The following TTLL12 variants were observed in gnomAD, a reference collection of about 807,000 sequenced individuals.
TTLL12 encodes the protein tubulin tyrosine ligase like 12, also known as tubulin--tyrosine ligase-like protein 12.
TTLL12 carries 77 observed loss-of-function variants against 79.6 expected under a neutral mutation model. The ratio of observed to expected loss-of-function variants is 0.97; its 90% CI spans 0.81 to 1.17. TTLL12 has a LOEUF of 1.17. TTLL12 is among the 50% of genes most tolerant of loss of function. The pLI is 0.00. For missense variants in TTLL12, 969 were observed against 895.9 expected (o/e 1.08, Z -1.04); for synonymous variants, 437 against 376.1 (o/e 1.16, Z -1.87).
In TTLL12 at chr22:43,167,254, G is replaced by C; in HGVS notation, c.*754C>G. 1 of 518,124 alleles carries C rather than the reference G, an allele frequency of 1.9e-6. No individual in the cohort carries two copies. Among genetic ancestry groups the C allele is most frequent in the Non-Finnish European group, 3.9e-6 (1 of 253,546 alleles). The allele number at this position is 518,124 out of a possible 1,614,324, so 32.1% of individuals were successfully genotyped here. ...TCTCACACAAGGGCGGGACCCCGTG[G>C]AGTGCCCGGCGAGCAGGGCAACCAC... is the stretch of plus-strand genomic sequence containing the variant. On this transcript the variant is annotated 3_prime_UTR_variant, in exon 14 of 14. Coordinates refer to ENST00000216129, the MANE Select transcript of TTLL12 (RefSeq NM_015140.4).
chr22:43,169,477 A>G (rs1474735569), intron 12 of TTLL12, 23 bp downstream of exon 12: 2 of 1,559,148 alleles, frequency 1.3e-6, no homozygotes, highest in Non-Finnish European at 1.7e-6. Context: ...CCGGCCTGCG[A>G]TGGTGTGCAG....
Position 43,168,006 on chromosome 22 carries a change from G to A in TTLL12, c.*2C>T, listed in dbSNP as rs1931661595. On this transcript the variant is annotated 3_prime_UTR_variant, in exon 14 of 14. Transcript: ENST00000216129. ...AGCACAGGTTTTGGGGACAGCGAGTGCCTAGACAAGGCAGGTAACGTGGCA... is the reference window on the plus strand; with the variant it reads ...AGCACAGGTTTTGGGGACAGCGAGTACCTAGACAAGGCAGGTAACGTGGCA... 1 of 1,613,444 alleles carries A rather than the reference G, an allele frequency of 6.2e-7. No individual in the cohort carries two copies. The highest frequency in any genetic ancestry group is 1.3e-5 in the African/African-American group (1 of 74,932).
At chr22:43,172,702 T>A in intron 9 of TTLL12, 148 bp from the exon 10 acceptor site, 2 of 178,522 alleles carry the variant, frequency 1.1e-5, no homozygotes, top group Non-Finnish European at 2.0e-5. Flanking sequence ...CTGCAAAGTC[T>A]TTTTTTTTTT....
chr22:43,174,279 G>T lies in TTLL12; in HGVS notation c.1159C>A (p.Leu387Met). 6.2e-7 allele frequency: 1 copy of T among 1,610,934 alleles called. No individual in the cohort carries two copies. The change falls in exon 8 of 14, where the codon CTG (leucine) becomes ATG (methionine). Residue 387 changes from leucine (L) to methionine (M), a missense_variant. Physicochemically the swap from Leu to Met is conservative, Grantham distance 15. Coordinates refer to ENST00000216129, the MANE Select transcript of TTLL12 (RefSeq NM_015140.4). ...GTGCGCAGGTTGAAGGTTCGGGGCA[G>T]CCAGGGTGGGCCCTCGGGGCCACCT... ...RAGGPEGPPW[L>M]PRTFNLRTEL...
chr22:43,181,246 T>G (rs940605935), intron 2 of TTLL12, among the ~76,000 whole-genome samples: 1 of 152,196 alleles, frequency 6.6e-6, no homozygotes, highest in Non-Finnish European at 1.5e-5. Context: ...ACCAGATATG[T>G]GGTACACCTA....
intron 1 of TTLL12, 75 bp from the exon 2 acceptor site, chr22:43,183,224 C>A: frequency 1.9e-6 from 3 of 1,570,134 alleles, no homozygotes; most frequent in Non-Finnish European, 1.7e-6. Context: ...CTCCAGAAAG[C>A]CACCCGAGGT....
chr22:43,179,256 G>T (rs746593102), intron 5 of TTLL12, among the ~76,000 whole-genome samples: 9 of 152,172 alleles, frequency 5.9e-5, no homozygotes, highest in African/African-American at 9.7e-5. Context: ...AGGGAGGCAC[G>T]CGATGTGTGA....
intron 9 of TTLL12, among the ~76,000 whole-genome samples, chr22:43,173,061 A>G (rs1167135996): frequency 6.6e-6 from 1 of 151,608 alleles, no homozygotes; most frequent in Non-Finnish European, 1.5e-5. Flanking sequence ...AATTCCATCC[A>G]CCCCCATCCC....
chr22:43,175,144 GA>G lies in TTLL12; in HGVS notation c.918-530del, dbSNP rs755519044. On this transcript the variant is annotated intron_variant, in intron 6 of 13. Coordinates refer to ENST00000216129, the MANE Select transcript of TTLL12 (RefSeq NM_015140.4). ...GCCCTCAGGCCCGGTGGAGGGGGCA[GA>G]GTGGAGCAGCCTGCCTGTTCTTGGC... The G allele has an allele frequency of 1.9e-3, 293 of 152,696 alleles. 1 individual carries two copies. Among genetic ancestry groups the G allele is most frequent in the Non-Finnish European group, 3.6e-3 (248 of 68,296 alleles). 9.5% of individuals were successfully genotyped at this position (152,696 alleles called of 1,614,324 possible). A position where few individuals can be genotyped will look rare whatever the true frequency, so the allele number is the denominator to read the frequency against.
At chr22:43,180,044 C>G (rs776487811) in intron 3 of TTLL12, 44 bp from the exon 4 acceptor site, 1 of 1,525,346 alleles carries the variant, frequency 6.6e-7, no homozygotes, top group Non-Finnish European at 8.8e-7. Context: ...ACCCATCCAC[C>G]CACCGGAACT....
intron 1 of TTLL12, among the ~76,000 whole-genome samples, chr22:43,184,643 T>C (rs1223030175): frequency 6.6e-6 from 1 of 152,172 alleles, no homozygotes; most frequent in Non-Finnish European, 1.5e-5. Flanking sequence ...TCAAGGTGGG[T>C]CTGGGGAGGC....
At position 43,179,935 on chromosome 22, in the gene TTLL12, C is replaced by T. The variant is rs6003099; in HGVS notation, c.612G>A (p.Ala204=). The change falls in exon 4 of 14, where the codon GCG becomes GCA. Residue 204 remains alanine (A), a synonymous_variant. Transcript: ENST00000216129. The part of the protein sequence containing the change: ...MDEFGSRIQH[A]DVPSFATAPF... The stretch of plus-strand genomic sequence containing the variant: ...GTGCCGTGGCGAAGCTGGGCACGTC[C>T]GCGTGCTGGATCCGCGAACCGAACT... The T allele has an allele frequency of 9.2e-4, 1,485 of 1,610,968 alleles. 11 individuals carry two copies. In the African/African-American group the frequency reaches 0.015, roughly 16 times the overall value.
At chr22:43,182,868 G>A in intron 2 of TTLL12, 112 bp downstream of exon 2, 1 of 1,416,144 alleles carries the variant, frequency 7.1e-7, no homozygotes, top group Non-Finnish European at 9.5e-7. Flanking sequence ...CCACAAAGCT[G>A]TCCTAAGGAA....
chr22:43,167,352 C>T lies in TTLL12; in HGVS notation c.*656G>A, dbSNP rs543831058. 1.1e-3 allele frequency: 372 copies of T among 330,190 alleles called. 3 individuals are homozygous for T. The highest frequency in any genetic ancestry group is 7.1e-3 in the African/African-American group (329 of 46,168). 20.5% of individuals were successfully genotyped at this position (330,190 alleles called of 1,614,324 possible). A position where few individuals can be genotyped will look rare whatever the true frequency, so the allele number is the denominator to read the frequency against. On this transcript the variant is annotated 3_prime_UTR_variant, in exon 14 of 14. Transcript: ENST00000216129. ...AAACGAAAAGGAAACGGTAACAAGA[C>T]GGTGGCCTCCTGCCAGGACCTCAGC...
intron 1 of TTLL12, among the ~76,000 whole-genome samples, chr22:43,185,152 C>T (rs1219287244): frequency 2.0e-5 from 3 of 151,020 alleles, no homozygotes; most frequent in Admixed American, 1.3e-4. Context: ...CATTTGAACC[C>T]GGGAGGCAGA....
chr22:43,169,923 C>T (rs1274100458), intron 11 of TTLL12: 1 of 464,866 alleles, frequency 2.2e-6, no homozygotes, highest in African/African-American at 2.0e-5. Flanking sequence ...TGGCACCATC[C>T]TCACACTCAG....
chr22:43,170,213 G>A (rs1569483389), intron 11 of TTLL12: 4 of 314,614 alleles, frequency 1.3e-5, no homozygotes, highest in South Asian at 1.1e-4. Flanking sequence ...GACCCCCACA[G>A]TACAGAAGGG....
chr22:43,168,251 C>T, intron 13 of TTLL12, 92 bp from the exon 14 acceptor site: 5 of 1,525,856 alleles, frequency 3.3e-6, no homozygotes, highest in Non-Finnish European at 4.4e-6. Flanking sequence ...GCTGGGAGGC[C>T]ATGAACCTGG....
chr22:43,184,492 G>C (rs1932132997), intron 1 of TTLL12, among the ~76,000 whole-genome samples: 1 of 152,228 alleles, frequency 6.6e-6, no homozygotes, highest in Admixed American at 6.5e-5. Context: ...GAGGCTACGG[G>C]GTGAGGATGG....
Sources: allele counts gnomAD v4.1 joint callset (sites outside exome capture counted in the v4.1 genomes callset), GRCh38; gene constraint gnomAD v4.1.1; transcripts MANE v1.5; gene names NCBI Gene and HGNC (gene_info 2026-07-23, HGNC 2026-07-21).